The following PGM1 variants were observed in gnomAD, a reference collection of about 807,000 sequenced individuals.
PGM1 encodes the protein phosphoglucomutase 1, also known as phosphoglucomutase-1.
PGM1 carries 52 observed loss-of-function variants against 55.6 expected under a neutral mutation model. That is an observed-to-expected ratio of 0.94 (90% CI 0.75 to 1.18). PGM1 has a LOEUF of 1.18. PGM1 is among the 50% of genes most tolerant of loss of function. PGM1 has a pLI of 0.00. For missense variants in PGM1, 724 were observed against 729.3 expected (o/e 0.99, Z 0.08); for synonymous variants, 287 against 271.7 (o/e 1.06, Z -0.55).
At chr1:63,633,942 T>TATTTA (rs1557433817) in intron 4 of PGM1, among the ~76,000 whole-genome samples, 23 of 122,138 alleles carry the variant, frequency 1.9e-4, no homozygotes, top group African/African-American at 7.6e-4. Context: ...ATTTTTTTTT[T>TATTTA]TTTTTTTTTT....
intron 1 of PGM1, among the ~76,000 whole-genome samples, chr1:63,616,087 G>A (rs1384211015): frequency 1.3e-5 from 2 of 152,122 alleles, no homozygotes; most frequent in East Asian, 3.9e-4. Flanking sequence ...TTTTACCAAA[G>A]AATTTTAATA....
chr1:63,644,997 T>C (rs766703025), intron 7 of PGM1, among the ~76,000 whole-genome samples: 19 of 152,206 alleles, frequency 1.2e-4, no homozygotes, highest in African/African-American at 2.4e-4. Context: ...ACCTGCACCA[T>C]TGGTATTTTC....
At chr1:63,635,796 C>G (rs994177913) in intron 5 of PGM1, among the ~76,000 whole-genome samples, 1 of 152,180 alleles carries the variant, frequency 6.6e-6, no homozygotes, top group African/African-American at 2.4e-5. Flanking sequence ...TGGCCACCCT[C>G]CCAGTTACTG....
At chr1:63,644,711 A>C (rs1649606607) in intron 7 of PGM1, among the ~76,000 whole-genome samples, 1 of 152,232 alleles carries the variant, frequency 6.6e-6, no homozygotes, top group Non-Finnish European at 1.5e-5. Flanking sequence ...ATGAGAGAGA[A>C]GTTAGCATTA....
chr1:63,601,105 G>A (rs972855989), intron 1 of PGM1, among the ~76,000 whole-genome samples: 2 of 152,146 alleles, frequency 1.3e-5, no homozygotes, highest in African/African-American at 2.4e-5. Context: ...AGACTTGGGG[G>A]CCTATACATC....
intron 8 of PGM1, 94 bp downstream of exon 8, chr1:63,648,746 A>G: frequency 7.4e-7 from 1 of 1,356,162 alleles, no homozygotes; most frequent in Non-Finnish European, 1.0e-6. Context: ...TTAAGTGCTA[A>G]TAAAACCCTA....
At chr1:63,610,466 A>G (rs575468484) in intron 1 of PGM1, among the ~76,000 whole-genome samples, 2 of 152,370 alleles carry the variant, frequency 1.3e-5, no homozygotes, top group African/African-American at 4.8e-5. Flanking sequence ...TGTTAAAAGT[A>G]TATATAATCT....
At chr1:63,610,146 T>C (rs1198740154) in intron 1 of PGM1, among the ~76,000 whole-genome samples, 1 of 152,242 alleles carries the variant, frequency 6.6e-6, no homozygotes, top group Non-Finnish European at 1.5e-5. Flanking sequence ...CAATATATGC[T>C]ATATCAGAGA....
chr1:63,597,025 G>A (rs189180838), intron 1 of PGM1, among the ~76,000 whole-genome samples: 90 of 152,328 alleles, frequency 5.9e-4, no homozygotes, highest in African/African-American at 2.1e-3. Flanking sequence ...CATTGTACTT[G>A]AGATACAAAA....
chr1:63,649,046 T>C (rs74078468), intron 8 of PGM1, among the ~76,000 whole-genome samples: 380 of 152,320 alleles, frequency 2.5e-3, no homozygotes, highest in African/African-American at 8.7e-3. Context: ...GAAATGGGAA[T>C]AACAGTCCAG....
At chr1:63,594,701 G>A (rs1234595350) in intron 1 of PGM1, among the ~76,000 whole-genome samples, 1 of 151,458 alleles carries the variant, frequency 6.6e-6, no homozygotes, top group East Asian at 1.9e-4. Context: ...CAGCACTTTG[G>A]GAGGCTGAGG....
intron 1 of PGM1, among the ~76,000 whole-genome samples, chr1:63,605,284 T>G (rs1168743751): frequency 6.6e-6 from 1 of 152,206 alleles, no homozygotes; most frequent in African/African-American, 2.4e-5. Flanking sequence ...CCTGGCTCTT[T>G]CACTGTACAG....
At chr1:63,601,976 C>CT (rs914453712) in intron 1 of PGM1, among the ~76,000 whole-genome samples, 1 of 152,128 alleles carries the variant, frequency 6.6e-6, no homozygotes, top group African/African-American at 2.4e-5. Context: ...GAAAGATGTT[C>CT]TTTTTTTCTC....
At chr1:63,614,342 G>A (rs1648650377) in intron 1 of PGM1, among the ~76,000 whole-genome samples, 3 of 152,096 alleles carry the variant, frequency 2.0e-5, no homozygotes, top group South Asian at 4.1e-4. Flanking sequence ...CAGTCTAGGG[G>A]TTCCTAAACT....
rs116544254 is a variant in PGM1, at chr1:63,627,809, T to C, written c.247-1616T>C. On this transcript the variant is annotated intron_variant, in intron 1 of 10. Transcript: ENST00000371084. ...ACTCGACAAGCCACCCCTAAACCCCTCCTATGGACATTCTGGAACTGCCCG... is the reference window on the plus strand; with the variant it reads ...ACTCGACAAGCCACCCCTAAACCCCCCCTATGGACATTCTGGAACTGCCCG... Among the ~76,000 whole-genome samples the C allele has an allele frequency of 8.2e-3, 1,254 of 152,188 alleles. 25 individuals carry two copies. The highest frequency in any genetic ancestry group is 0.029 in the African/African-American group (1,196 of 41,508).
intron 4 of PGM1, among the ~76,000 whole-genome samples, chr1:63,632,502 A>G (rs1649222262): frequency 6.6e-6 from 1 of 152,132 alleles, no homozygotes. Context: ...AAAACCTTCC[A>G]TCCTTGAAAC....
intron 1 of PGM1, chr1:63,623,437 T>C: frequency 3.1e-6 from 5 of 1,605,870 alleles, no homozygotes; most frequent in Non-Finnish European, 4.3e-6. Context: ...ACACCCTCAC[T>C]GAGCCAGTCG....
chr1:63,659,506 C>T lies in PGM1; in HGVS notation c.1600-80C>T, dbSNP rs1650058738. 9.0e-6 allele frequency: 10 copies of T among 1,115,356 alleles called. No homozygotes were observed. The Admixed American group carries it at 1.0e-4, about 11-fold the overall frequency. 69.1% of individuals were successfully genotyped at this position (1,115,356 alleles called of 1,614,324 possible). On this transcript the variant is annotated intron_variant, in intron 10 of 10. Transcript: ENST00000371084. ...GGAGCCTTGGAGACCTGGAAGTAGG[C>T]AGTCAGACGTACGGGTTTGGAGCTA...
chr1:63,635,121 T>C (rs748918201), intron 5 of PGM1, 102 bp downstream of exon 5: 7 of 952,460 alleles, frequency 7.3e-6, no homozygotes, highest in Non-Finnish European at 1.2e-5. Flanking sequence ...GGAATAACTG[T>C]TAAGGATCCC....
Sources: gnomAD v4.1 joint callset for allele counts (sites outside exome capture counted in the v4.1 genomes callset) on GRCh38, gnomAD v4.1.1 for gene constraint, MANE v1.5 for transcripts, NCBI Gene and HGNC (gene_info 2026-07-23, HGNC 2026-07-21) for gene names.